Variants in ZNF721 observed in about 807,000 individuals in gnomAD.
ZNF721 encodes the protein zinc finger protein 721.
A neutral mutation model predicts 2.4 loss-of-function variants in ZNF721; 2 were observed. That is an observed-to-expected ratio of 0.82 (90% CI 0.34 to 2.58). ZNF721 has a LOEUF of 2.58. Among genes scored for constraint, ZNF721 ranks in the 30% most tolerant of loss-of-function variants. The pLI is 0.11. For missense variants in ZNF721, 1,187 were observed against 1,085.5 expected (o/e 1.09, Z -1.31); for synonymous variants, 398 against 381.8 (o/e 1.04, Z -0.50).
In ZNF721 at chr4:485,750, C is replaced by T. The variant is rs1186653222; in HGVS notation, c.-93-13049G>A. On this transcript the variant is annotated intron_variant, in intron 1 of 2. Coordinates refer to ENST00000511833, the MANE Select transcript of ZNF721 (RefSeq NM_133474.4). ...CAGCACTTTGGGAGGCCGAGGCGGGCGGATCATGAGGTCAAGAGATCGAGA... is the reference window on the plus strand; with the variant it reads ...CAGCACTTTGGGAGGCCGAGGCGGGTGGATCATGAGGTCAAGAGATCGAGA... 6.6e-5 allele frequency among the ~76,000 whole-genome samples: 10 copies of T among 152,148 alleles called. No individual in the cohort carries two copies. In the East Asian group the frequency reaches 1.2e-3, roughly 18 times the overall value.
At position 443,108 on chromosome 4, in the gene ZNF721, G is replaced by C. The variant is rs1197453944; in HGVS notation, c.1359C>G (p.Ala453=). 1.9e-6 allele frequency: 3 copies of C among 1,613,906 alleles called. No homozygotes were observed. Among genetic ancestry groups the C allele is most frequent in the Non-Finnish European group, 2.5e-6 (3 of 1,179,880 alleles). ...TATTCAGGTGCAAGGAATGTATAAA[G>C]GCTTTCCCACATTCTTTACATTTGT... ...KPYKCKECGK[A]FIHSLHLNKH... is the part of the protein sequence containing the mutation. Residue 453 remains alanine (A), a synonymous_variant, in exon 3 of 3, where the codon GCC becomes GCG. Coordinates refer to ENST00000511833, the MANE Select transcript of ZNF721 (RefSeq NM_133474.4).
chr4:442,452 T>C lies in ZNF721; in HGVS notation c.2015A>G (p.Glu672Gly). 6 of 1,613,992 alleles carry C rather than the reference T, an allele frequency of 3.7e-6. No homozygotes were observed. The highest frequency in any genetic ancestry group is 5.1e-6 in the Non-Finnish European group (6 of 1,179,868). The part of the protein sequence containing the change: ...ILTGEQSYKC[E>G]ECGKAFGWSI... ...CCATCCAAAGGCTTTGCCACACTCTTCACATTTGTAACTTTGCTCTCCAGT... is the reference window on the plus strand; with the variant it reads ...CCATCCAAAGGCTTTGCCACACTCTCCACATTTGTAACTTTGCTCTCCAGT... The change falls in exon 3 of 3, where the codon GAA (glutamate) becomes GGA (glycine). Residue 672 changes from glutamate to glycine, a missense_variant. Coordinates refer to ENST00000511833, the MANE Select transcript of ZNF721 (RefSeq NM_133474.4).
chr4:440,442 C>A lies in ZNF721; in HGVS notation c.*1253G>T, dbSNP rs1437063427. On this transcript the variant is annotated 3_prime_UTR_variant, in exon 3 of 3. Coordinates refer to ENST00000511833, the MANE Select transcript of ZNF721 (RefSeq NM_133474.4). Reference sequence around the variant, plus strand: ...AAAATATATTTCGAATATATCTCTTCAAAAACCTACTTTTCAACTTATATA... The same window carrying A: ...AAAATATATTTCGAATATATCTCTTAAAAAACCTACTTTTCAACTTATATA... The A allele has an allele frequency of 7.2e-5, 11 of 152,072 alleles. No individual in the cohort carries two copies. Among genetic ancestry groups the A allele is most frequent in the African/African-American group, 2.7e-4 (11 of 41,404 alleles). 9.4% of individuals were successfully genotyped at this position (152,072 alleles called of 1,614,324 possible).
chr4:449,990 G>A (rs1168356952), intron 2 of ZNF721, among the ~76,000 whole-genome samples: 1 of 152,130 alleles, frequency 6.6e-6, no homozygotes, highest in Non-Finnish European at 1.5e-5. Flanking sequence ...AGTATCACAG[G>A]ATAACATATG....
At chr4:463,473 A>G (rs543031532) in intron 2 of ZNF721, among the ~76,000 whole-genome samples, 95 of 152,334 alleles carry the variant, frequency 6.2e-4, no homozygotes, top group Middle Eastern at 3.4e-3. Flanking sequence ...TTATTGCAGC[A>G]CTGTTTACAG....
chr4:443,781 G>C lies in ZNF721; in HGVS notation c.686C>G (p.Ala229Gly). The change falls in exon 3 of 3, where the codon GCC (alanine) becomes GGC (glycine). Residue 229 changes from alanine (A) to glycine (G), a missense_variant. By Grantham distance (60) the Ala-to-Gly change is moderately conservative (BLOSUM62 0). Coordinates refer to ENST00000511833, the MANE Select transcript of ZNF721 (RefSeq NM_133474.4). The stretch of plus-strand genomic sequence containing the variant: ...ATTCAGGTGTGAGGAATGCATAAAG[G>C]CTTTCCCACATTCTTTACATTTGTA... The part of the protein sequence containing the change: ...KPYKCKECGK[A>G]FMHSSHLNKH... The C allele has an allele frequency of 1.2e-6, 2 of 1,613,752 alleles. No individual in the cohort carries two copies. The highest frequency in any genetic ancestry group is 2.2e-5 in the East Asian group (1 of 44,854).
chr4:485,519 G>A lies in ZNF721; in HGVS notation c.-93-12818C>T, dbSNP rs77290416. 5.9e-5 allele frequency among the ~76,000 whole-genome samples: 9 copies of A among 152,060 alleles called. No individual in the cohort carries two copies. In the South Asian group the frequency reaches 8.3e-4, roughly 14 times the overall value. On this transcript the variant is annotated intron_variant, in intron 1 of 2. Transcript: ENST00000511833. ...ACAGTGGTGAGTAGAGAACAAAGGC[G>A]GGACTGAAAGGCCGCAACTCAACAG...
intron 1 of ZNF721, among the ~76,000 whole-genome samples, chr4:481,119 A>G (rs1387355206): frequency 3.9e-5 from 6 of 152,154 alleles, no homozygotes; most frequent in Non-Finnish European, 7.4e-5. Context: ...ATGGGGTCTC[A>G]CTATGTTGCT....
At chr4:471,664 A>G (rs1715438623) in intron 2 of ZNF721, among the ~76,000 whole-genome samples, 1 of 152,180 alleles carries the variant, frequency 6.6e-6, no homozygotes, top group Non-Finnish European at 1.5e-5. Flanking sequence ...GCATTAGATT[A>G]GCAAAACAGT....
chr4:483,503 G>T (rs1715822190), intron 1 of ZNF721, among the ~76,000 whole-genome samples: 2 of 151,476 alleles, frequency 1.3e-5, no homozygotes, highest in African/African-American at 4.9e-5. Flanking sequence ...AGTGAGCCAA[G>T]ATCGCGCCAC....
chr4:450,449 A>G (rs988523253), intron 2 of ZNF721, among the ~76,000 whole-genome samples: 12 of 152,220 alleles, frequency 7.9e-5, no homozygotes, highest in African/African-American at 2.9e-4. Flanking sequence ...GATCTTACAC[A>G]TATGTGAAAT....
chr4:463,772 G>A (rs1553866411), intron 2 of ZNF721, among the ~76,000 whole-genome samples: 2 of 152,244 alleles, frequency 1.3e-5, no homozygotes, highest in East Asian at 3.9e-4. Flanking sequence ...GAGGGGGCTA[G>A]GGGAGGGATA....
In ZNF721 at chr4:474,112, G is replaced by A. The variant is rs1715557928; in HGVS notation, c.-93-1411C>T. The stretch of plus-strand genomic sequence containing the variant: ...CCCTGAGGTGTGGAAGCAGGGAAGT[G>A]AGGCCCTAACCGAGCTCAGGCTGAA... On this transcript the variant is annotated intron_variant, in intron 1 of 2. Coordinates refer to ENST00000511833, the MANE Select transcript of ZNF721 (RefSeq NM_133474.4). 4.2e-6 allele frequency: 5 copies of A among 1,198,662 alleles called. No homozygotes were observed. The South Asian group carries it at 4.9e-5, about 12-fold the overall frequency. 74.3% of individuals were successfully genotyped at this position (1,198,662 alleles called of 1,614,324 possible).
intron 1 of ZNF721, among the ~76,000 whole-genome samples, chr4:478,234 C>T (rs776312062): frequency 6.6e-6 from 1 of 152,148 alleles, no homozygotes; most frequent in Non-Finnish European, 1.5e-5. Context: ...TTCTTGGTAA[C>T]GTGTTCCTCC....
Position 441,815 on chromosome 4 carries a change from C to T in ZNF721, c.2652G>A (p.Lys884=), listed in dbSNP as rs782204664. 6.2e-7 allele frequency: 1 copy of T among 1,613,980 alleles called. No homozygotes were observed. Among genetic ancestry groups the T allele is most frequent in the East Asian group, 2.2e-5 (1 of 44,860 alleles). The change falls in exon 3 of 3, where the codon AAG becomes AAA. Residue 884 remains lysine, a synonymous_variant. Transcript: ENST00000511833. ...AGGGTTTCTCTCCAGTATGAATTTT[C>T]TTATGCGCATAAAGATTTGCAGACT... is the stretch of plus-strand genomic sequence containing the variant. ...FRQSANLYAH[K]KIHTGEKPYT...
At position 441,466 on chromosome 4, in the gene ZNF721, A is replaced by T; in HGVS notation, c.*229T>A. ...ATTTTTAATTTTAATTTGGCTTCTC[A>T]TCAATATAATTACTCTTATGTCTAC... On this transcript the variant is annotated 3_prime_UTR_variant, in exon 3 of 3. Coordinates refer to ENST00000511833, the MANE Select transcript of ZNF721 (RefSeq NM_133474.4). 2.5e-6 allele frequency: 1 copy of T among 395,338 alleles called. No homozygotes were observed. Among genetic ancestry groups the T allele is most frequent in the Non-Finnish European group, 4.5e-6 (1 of 223,600 alleles). 24.5% of individuals were successfully genotyped at this position (395,338 alleles called of 1,614,324 possible).
At chr4:467,699 C>G (rs1715295688) in intron 2 of ZNF721, among the ~76,000 whole-genome samples, 1 of 152,236 alleles carries the variant, frequency 6.6e-6, no homozygotes, top group Non-Finnish European at 1.5e-5. Flanking sequence ...AAGACACACC[C>G]AGCCATGACC....
chr4:489,340 C>A (rs1715969364), intron 1 of ZNF721, among the ~76,000 whole-genome samples: 1 of 152,214 alleles, frequency 6.6e-6, no homozygotes, highest in African/African-American at 2.4e-5. Flanking sequence ...TGGCAACCCG[C>A]TTTCATGTCC....
At chr4:470,162 G>A (rs112325892) in intron 2 of ZNF721, among the ~76,000 whole-genome samples, 3,682 of 152,236 alleles carry the variant, frequency 0.024, 145 homozygotes, top group African/African-American at 0.083. Context: ...GATTACAGGC[G>A]TGAGCCACTG....
Sources: gnomAD v4.1 joint callset for allele counts (sites outside exome capture counted in the v4.1 genomes callset) on GRCh38, gnomAD v4.1.1 for gene constraint, MANE v1.5 for transcripts, NCBI Gene and HGNC (gene_info 2026-07-23, HGNC 2026-07-21) for gene names.